GNAL: variants seen among roughly 807,000 people sequenced by gnomAD.
GNAL encodes the protein G protein subunit alpha L.
In GNAL, 18 loss-of-function variants were observed where a neutral mutation model predicts 55.1. The observed-to-expected ratio is 0.33, with a 90% CI of 0.23 to 0.48. The LOEUF is 0.48. Among genes scored for constraint, GNAL ranks in the 20% least tolerant of loss-of-function variants. GNAL has a pLI of 0.99. For synonymous variants in GNAL, 253 were observed against 237.0 expected, an observed-to-expected ratio of 1.07 and a Z score of -0.62; for missense variants, 412 against 614.1, an observed-to-expected ratio of 0.67 and a Z score of 3.48.
Position 11,752,460 on chromosome 18 carries a change from G to A in GNAL, c.377-393G>A. 1 of 1,611,624 alleles carries A rather than the reference G, an allele frequency of 6.2e-7. No individual in the cohort carries two copies. The highest frequency in any genetic ancestry group is 8.5e-7 in the Non-Finnish European group (1 of 1,178,990). Reference sequence around the variant, plus strand: ...TGGGGTGTTTGGGCGGCAACAGCAAGACGACGGAAGACCAGGGCGTCGATG... The same window carrying A: ...TGGGGTGTTTGGGCGGCAACAGCAAAACGACGGAAGACCAGGGCGTCGATG... On this transcript the variant is annotated intron_variant, in intron 1 of 11. Coordinates refer to ENST00000334049, the MANE Select transcript of GNAL (RefSeq NM_182978.4). The surrounding 1 kb of genome is among the most constrained non-coding windows in gnomAD (Gnocchi z 4.5).
rs142363034 is a variant in GNAL at position 11,778,567 on chromosome 18, C to G, written c.624+24622C>G. Among the ~76,000 whole-genome samples the G allele has an allele frequency of 2.9e-3, 448 of 152,252 alleles. 5 individuals are homozygous for G. The highest frequency in any genetic ancestry group is 6.4e-3 in the South Asian group (31 of 4,816). ...AACCTTGGGAAATGTGACTCAGTAT[C>G]TGGAGCTTTAGTTGCATCCTCTTGT... On this transcript the variant is annotated intron_variant, in intron 4 of 11. Coordinates refer to ENST00000334049, the MANE Select transcript of GNAL (RefSeq NM_182978.4).
chr18:11,773,913 C>T (rs2033706640), intron 4 of GNAL, among the ~76,000 whole-genome samples: 1 of 152,176 alleles, frequency 6.6e-6, no homozygotes, highest in Non-Finnish European at 1.5e-5. Flanking sequence ...ATTGGTCTCA[C>T]CTCTGCCTCT....
intron 4 of GNAL, among the ~76,000 whole-genome samples, chr18:11,803,708 A>G (rs60736251): frequency 0.27 from 13,410 of 49,444 alleles, 2,565 homozygotes; most frequent in African/African-American, 0.57. Flanking sequence ...TAGCGGTGAA[A>G]TACAGGTGCA....
At chr18:11,737,877 G>C (rs953314796) in intron 1 of GNAL, among the ~76,000 whole-genome samples, 5 of 152,176 alleles carry the variant, frequency 3.3e-5, no homozygotes, top group African/African-American at 1.2e-4. Context: ...GGGGAACGGG[G>C]GAAGGACCCT....
At chr18:11,703,252 A>T (rs1053456943) in intron 1 of GNAL, among the ~76,000 whole-genome samples, 2 of 152,254 alleles carry the variant, frequency 1.3e-5, no homozygotes, top group Admixed American at 6.5e-5. Context: ...CAAATGAAAA[A>T]CAGAACGCTC....
chr18:11,855,830 G>A (rs1401830245), intron 5 of GNAL, among the ~76,000 whole-genome samples: 1 of 151,804 alleles, frequency 6.6e-6, no homozygotes, highest in South Asian at 2.1e-4. Flanking sequence ...AAATTAGCCG[G>A]GCATGGTGGC....
At chr18:11,837,534 G>A (rs2035523427) in intron 5 of GNAL, among the ~76,000 whole-genome samples, 1 of 152,200 alleles carries the variant, frequency 6.6e-6, no homozygotes, top group Admixed American at 6.5e-5. Flanking sequence ...ATCTTTAGCT[G>A]TTAGGAAAAT....
intron 4 of GNAL, among the ~76,000 whole-genome samples, chr18:11,779,580 A>G (rs768729661): frequency 6.6e-6 from 1 of 152,218 alleles, no homozygotes; most frequent in Non-Finnish European, 1.5e-5. Context: ...AAGCTTGACC[A>G]TCCTACAAAC....
chr18:11,875,321 C>T (rs1312255244), intron 10 of GNAL, among the ~76,000 whole-genome samples: 1 of 152,176 alleles, frequency 6.6e-6, no homozygotes, highest in Non-Finnish European at 1.5e-5. Flanking sequence ...TAGGATTTCT[C>T]CCCCACCCCA....
At position 11,689,334 on chromosome 18, in the gene GNAL, C is replaced by T. The variant is rs948227700; in HGVS notation, c.-230C>T. 5 of 334,012 alleles carry T rather than the reference C, an allele frequency of 1.5e-5. No individual in the cohort carries two copies. The highest frequency in any genetic ancestry group is 8.6e-5 in the African/African-American group (4 of 46,338). The allele number at this position is 334,012 out of a possible 1,614,324, so 20.7% of individuals were successfully genotyped here. ...GGCGGCCGCCACCCCTTGCACACAG[C>T]AGAAAATGCAAAATGACCCTCTGGG... On this transcript the variant is annotated 5_prime_UTR_variant, in exon 1 of 12. Transcript: ENST00000334049.
chr18:11,808,878 C>G (rs535926401), intron 4 of GNAL, among the ~76,000 whole-genome samples: 1 of 152,314 alleles, frequency 6.6e-6, no homozygotes, highest in African/African-American at 2.4e-5. Context: ...AAACATCATG[C>G]TAAGTCAGAG....
At chr18:11,730,916 A>G (rs1329663765) in intron 1 of GNAL, among the ~76,000 whole-genome samples, 2 of 152,226 alleles carry the variant, frequency 1.3e-5, no homozygotes, top group Non-Finnish European at 2.9e-5. Flanking sequence ...ACAAACAAAC[A>G]AAAACCTTTA....
chr18:11,790,806 G>A (rs906435260), intron 4 of GNAL, among the ~76,000 whole-genome samples: 1 of 151,702 alleles, frequency 6.6e-6, no homozygotes, highest in African/African-American at 2.4e-5. Flanking sequence ...ACAGGTGCCC[G>A]CCACCACGCC....
intron 1 of GNAL, among the ~76,000 whole-genome samples, chr18:11,717,237 G>C (rs997612712): frequency 5.3e-5 from 8 of 152,222 alleles, no homozygotes; most frequent in Non-Finnish European, 1.2e-4. Context: ...CGCCCACCCG[G>C]AAGTCACACT....
chr18:11,884,682 G>A lies in GNAL; in HGVS notation c.*3547G>A, dbSNP rs1021613836. On this transcript the variant is annotated 3_prime_UTR_variant, in exon 12 of 12. Transcript: ENST00000334049. The stretch of plus-strand genomic sequence containing the variant: ...GAGCACCAGGCACACGTTGAACACC[G>A]CAGTCTTAGAAACAGCAGAGGGAAG... The A allele has an allele frequency of 1.9e-5, 29 of 1,552,028 alleles. No individual in the cohort carries two copies. The highest frequency in any genetic ancestry group is 5.4e-5 in the African/African-American group (4 of 73,574).
chr18:11,767,095 C>G (rs2033429810), intron 4 of GNAL, among the ~76,000 whole-genome samples: 1 of 152,176 alleles, frequency 6.6e-6, no homozygotes, highest in Non-Finnish European at 1.5e-5. Context: ...ATATTTCTGC[C>G]CAGGAAGAAA....
chr18:11,884,786 C>G lies in GNAL; in HGVS notation c.*3651C>G. The G allele has an allele frequency of 7.4e-7, 1 of 1,357,480 alleles. No homozygotes were observed. Among genetic ancestry groups the G allele is most frequent in the South Asian group, 1.5e-5 (1 of 65,780 alleles). 84.1% of individuals were successfully genotyped at this position (1,357,480 alleles called of 1,614,324 possible). On this transcript the variant is annotated 3_prime_UTR_variant, in exon 12 of 12. Coordinates refer to ENST00000334049, the MANE Select transcript of GNAL (RefSeq NM_182978.4). ...GAGACCAAGGGGGCCCAGCCTTCTC[C>G]CTGCACAGCTCACCCCCGACCAGCC...
intron 1 of GNAL, among the ~76,000 whole-genome samples, chr18:11,748,549 A>ACAC (rs2032742584): frequency 6.6e-6 from 1 of 152,172 alleles, no homozygotes; most frequent in African/African-American, 2.4e-5. Context: ...CTGTTTACCT[A>ACAC]ATCCTTCTTA....
At position 11,777,286 on chromosome 18, in the gene GNAL, T is replaced by G. The variant is rs74758725; in HGVS notation, c.624+23341T>G. 3.3e-5 allele frequency among the ~76,000 whole-genome samples: 5 copies of G among 152,300 alleles called. No homozygotes were observed. The East Asian group carries it at 7.7e-4, about 24-fold the overall frequency. ...ACTGAATTTGGTGAGAATTTCTCAC[T>G]TCTAAGGGATAATGAACCATACAAA... On this transcript the variant is annotated intron_variant, in intron 4 of 11. Coordinates refer to ENST00000334049, the MANE Select transcript of GNAL (RefSeq NM_182978.4).
Sources: allele counts gnomAD v4.1 joint callset (sites outside exome capture counted in the v4.1 genomes callset), GRCh38; gene constraint gnomAD v4.1.1; non-coding constraint Gnocchi (gnomAD v3.1); transcripts MANE v1.5; gene names NCBI Gene and HGNC (gene_info 2026-07-23, HGNC 2026-07-21).